Variants in NCR1 observed in about 807,000 individuals in gnomAD.
NCR1 encodes the protein NK cell-activating receptor.
Under a neutral mutation model 32.5 loss-of-function variants are expected in NCR1, and 30 were observed. The ratio of observed to expected loss-of-function variants is 0.92; its 90% CI spans 0.69 to 1.25. The LOEUF (loss-of-function observed/expected upper bound fraction) is 1.25, where lower values mean the gene tolerates loss of function less well. Ranked by LOEUF, NCR1 falls within the 50% of genes most tolerant of loss-of-function variation. NCR1 has a pLI of 0.00. For synonymous variants in NCR1, 169 were observed against 143.4 expected (o/e 1.18, Z -1.28); for missense variants, 369 against 380.7 (o/e 0.97, Z 0.26).
intron 3 of NCR1, among the ~76,000 whole-genome samples, chr19:54,908,898 A>G (rs2067789161): frequency 6.6e-6 from 1 of 151,766 alleles, no homozygotes; most frequent in Non-Finnish European, 1.5e-5. Context: ...AGATAGTGCC[A>G]CGGCGCTCCA....
chr19:54,927,771 A>C, the NCR1 span: 1 of 1,613,908 alleles, frequency 6.2e-7, no homozygotes, highest in South Asian at 1.1e-5. Flanking sequence ...GAGCAGCTCC[A>C]GAGGCTGTTG....
At chr19:54,923,597 A>G in the NCR1 span, 1 of 966,138 alleles carries the variant, frequency 1.0e-6, no homozygotes, top group East Asian at 2.4e-5. Flanking sequence ...AGAATCTCCC[A>G]AAAATAGTGA....
At chr19:54,936,928 A>G in the NCR1 span, among the ~76,000 whole-genome samples, 5 of 147,274 alleles carry the variant, frequency 3.4e-5, no homozygotes, top group African/African-American at 1.0e-4. Context: ...AGAAAAAAAA[A>G]TTCGCCGGGT....
rs1250218547 is a variant in NCR1 at position 54,910,186 on chromosome 19, C to T, written c.682+121C>T. The T allele has an allele frequency of 3.1e-6, 3 of 979,228 alleles. No homozygotes were observed. The African/African-American group carries it at 4.9e-5, about 16-fold the overall frequency. The allele number at this position is 979,228 out of a possible 1,614,324, so 60.7% of individuals were successfully genotyped here. ...GCGTGGTGGCTCACGCCTGTAATCCCAGCACTTTGGGAGGCCGAGATGGTG... is the reference window on the plus strand; with the variant it reads ...GCGTGGTGGCTCACGCCTGTAATCCTAGCACTTTGGGAGGCCGAGATGGTG... On this transcript the variant is annotated intron_variant, in intron 5 of 6. Transcript: ENST00000291890.
chr19:54,912,372 A>G (rs1470410062), intron 6 of NCR1, among the ~76,000 whole-genome samples, 154 bp downstream of exon 6: 1 of 151,822 alleles, frequency 6.6e-6, no homozygotes, highest in Admixed American at 6.6e-5. Context: ...CGAGGCGGGC[A>G]GATCATCTGA....
downstream of NCR1, among the ~76,000 whole-genome samples, chr19:54,920,290 G>GT (rs1386180814): frequency 2.0e-5 from 3 of 152,118 alleles, no homozygotes; most frequent in Non-Finnish European, 4.4e-5. Context: ...ATCCCGAGAG[G>GT]TTTTTTGGTT....
chr19:54,899,632 G>A, the NCR1 span, among the ~76,000 whole-genome samples: 5 of 151,994 alleles, frequency 3.3e-5, no homozygotes, highest in African/African-American at 1.2e-4. Flanking sequence ...TTGCCACTAA[G>A]GGTGAAGGAG....
chr19:54,910,128 G>A (rs587673682), intron 5 of NCR1, 63 bp downstream of exon 5: 22 of 1,511,210 alleles, frequency 1.5e-5, no homozygotes, highest in East Asian at 2.3e-5. Flanking sequence ...CACTAAAAAC[G>A]TGGCATTCAT....
downstream of NCR1, among the ~76,000 whole-genome samples, chr19:54,915,467 CGGT>C (rs2068113307): frequency 6.6e-6 from 1 of 151,970 alleles, no homozygotes; most frequent in Non-Finnish European, 1.5e-5. Context: ...CTGGCCAACA[CGGT>C]AAAACCCCAT....
upstream of NCR1, among the ~76,000 whole-genome samples, chr19:54,902,059 A>G (rs2067310760): frequency 1.3e-5 from 2 of 152,222 alleles, no homozygotes; most frequent in South Asian, 4.1e-4. Flanking sequence ...AAGTGGTGAA[A>G]TTTGAATAAA....
chr19:54,925,010 G>C, the NCR1 span, among the ~76,000 whole-genome samples: 1 of 152,078 alleles, frequency 6.6e-6, no homozygotes, highest in East Asian at 1.9e-4. Flanking sequence ...TGAACCCCAG[G>C]GTTAATGATA....
At chr19:54,922,877 GACAGACACAGAGACACACACACAGAA>G in the NCR1 span, among the ~76,000 whole-genome samples, 36 of 149,550 alleles carry the variant, frequency 2.4e-4, no homozygotes, top group African/African-American at 8.0e-4. Context: ...GAGAAACACA[GACAGACACAGAGACACACACACAGAA>G]ACAGACACAG....
the NCR1 span, among the ~76,000 whole-genome samples, chr19:54,931,831 A>G: frequency 7.7e-6 from 1 of 129,592 alleles, no homozygotes; most frequent in Admixed American, 7.8e-5. Flanking sequence ...GCCTGGTGAC[A>G]GAGAGAGACT....
At chr19:54,937,736 A>G in the NCR1 span, among the ~76,000 whole-genome samples, 1 of 152,064 alleles carries the variant, frequency 6.6e-6, no homozygotes, top group African/African-American at 2.4e-5. Context: ...TGTCTGTGCT[A>G]AAAGTACAAA....
chr19:54,912,952 C>A lies in NCR1; in HGVS notation c.*81C>A. On this transcript the variant is annotated 3_prime_UTR_variant, in exon 7 of 7. Coordinates refer to ENST00000291890, the MANE Select transcript of NCR1 (RefSeq NM_004829.7). ...TGGGCGGCGTGAGCTCTGTGTTGGA[C>A]CCACGGAGGAGGGAGTCACTGCAGG... The A allele has an allele frequency of 1.4e-6, 2 of 1,379,790 alleles. No individual in the cohort carries two copies. Among genetic ancestry groups the A allele is most frequent in the South Asian group, 1.4e-5 (1 of 72,504 alleles). The allele number at this position is 1,379,790 out of a possible 1,614,324, so 85.5% of individuals were successfully genotyped here.
In NCR1 at chr19:54,909,237, T is replaced by C. The variant is rs587698195; in HGVS notation, c.356-8T>C. 1 of 1,600,460 alleles carries C rather than the reference T, an allele frequency of 6.2e-7. No individual in the cohort carries two copies. Among genetic ancestry groups the C allele is most frequent in the Admixed American group, 1.7e-5 (1 of 59,648 alleles). On this transcript the variant is annotated splice_region_variant and splice_polypyrimidine_tract_variant and intron_variant, in intron 3 of 6. Coordinates refer to ENST00000291890, the MANE Select transcript of NCR1 (RefSeq NM_004829.7). The stretch of plus-strand genomic sequence containing the variant: ...TTTCTGGTGTGGTGGCCCCACCTTC[T>C]CTCATAGAAATGTATGACACACCCA...
upstream of NCR1, among the ~76,000 whole-genome samples, chr19:54,903,589 T>C (rs587635699): frequency 3.3e-4 from 49 of 149,276 alleles, 2 homozygotes; most frequent in African/African-American, 1.1e-3. Flanking sequence ...CGCATATACA[T>C]GTATGTGTAT....
upstream of NCR1, among the ~76,000 whole-genome samples, chr19:54,903,768 A>C (rs900793151): frequency 9.9e-5 from 15 of 151,678 alleles, no homozygotes; most frequent in African/African-American, 3.6e-4. Flanking sequence ...CTTACTGTAG[A>C]TCTTAACAAC....
the NCR1 span, among the ~76,000 whole-genome samples, chr19:54,899,855 C>T: frequency 2.6e-5 from 4 of 152,100 alleles, no homozygotes; most frequent in Non-Finnish European, 4.4e-5. Flanking sequence ...GGGAAGGCTG[C>T]CTTCCCGAGT....
Sources: gnomAD v4.1 joint callset for allele counts (sites outside exome capture counted in the v4.1 genomes callset) on GRCh38, gnomAD v4.1.1 for gene constraint, MANE v1.5 for transcripts, NCBI Gene and HGNC (gene_info 2026-07-23, HGNC 2026-07-21) for gene names.